PCDHGB2: variants seen among roughly 807,000 people sequenced by gnomAD.
The protein encoded by PCDHGB2 is protocadherin gamma-B2.
In PCDHGB2, 55 loss-of-function variants were observed where a neutral mutation model predicts 59.3. The observed-to-expected ratio is 0.93, with a 90% confidence interval of 0.75 to 1.16. The LOEUF is 1.16. PCDHGB2 is among the 50% of genes most tolerant of loss of function. PCDHGB2 has a pLI of 0.00. For synonymous variants in PCDHGB2, 516 were observed against 512.0 expected, an observed-to-expected ratio of 1.01 and a Z score of -0.11; for missense variants, 1,228 against 1,198.5, an observed-to-expected ratio of 1.02 and a Z score of -0.36.
At chr5:141,387,782 A>C in intron 1 of PCDHGB2, 2 of 1,466,298 alleles carry the variant, frequency 1.4e-6, no homozygotes, top group Non-Finnish European at 1.8e-6. Context: ...TTGAACTGGA[A>C]CTGCAACTAA....
rs115237553 is a variant in PCDHGB2, at chr5:141,476,478, T to A, written c.2422-18329T>A. 1.3e-4 allele frequency: 203 copies of A among 1,613,844 alleles called. 2 individuals are homozygous for A. The African/African-American group carries it at 2.5e-3, about 20-fold the overall frequency. Reference sequence around the variant, plus strand: ...GAGAACCCGCTGGAGCTGTTCAGCGTGGAAGTGGTGATCCAGGACATCAAC... The same window carrying A: ...GAGAACCCGCTGGAGCTGTTCAGCGAGGAAGTGGTGATCCAGGACATCAAC... On this transcript the variant is annotated intron_variant, in intron 1 of 3. Transcript: ENST00000522605. The surrounding 1 kb of genome is among the most constrained non-coding windows in gnomAD (Gnocchi z 7.6).
intron 1 of PCDHGB2, chr5:141,415,772 T>TTA: frequency 7.5e-7 from 1 of 1,332,978 alleles, no homozygotes; most frequent in Non-Finnish European, 9.6e-7. Flanking sequence ...TTTTTTTTTT[T>TTA]ACTTTCTGGT....
Position 141,463,645 on chromosome 5 carries a change from G to T in PCDHGB2, c.2422-31162G>T, listed in dbSNP as rs372962993. ...TTGTATTTTGTTTAGTAGAGACGGG[G>T]TTTCACCGTGTTAGCCAGGATGGTC... On this transcript the variant is annotated intron_variant, in intron 1 of 3. Transcript: ENST00000522605. 7.9e-5 allele frequency among the ~76,000 whole-genome samples: 12 copies of T among 151,840 alleles called. No individual in the cohort carries two copies. In the East Asian group the frequency reaches 2.1e-3, roughly 27 times the overall value.
rs762408704 is a variant in PCDHGB2 at position 141,486,335 on chromosome 5, C to G, written c.2422-8472C>G. 6.2e-7 allele frequency: 1 copy of G among 1,613,936 alleles called. No individual in the cohort carries two copies. The highest frequency in any genetic ancestry group is 8.5e-7 in the Non-Finnish European group (1 of 1,180,002). ...AGGGTCAAACGGAGATGTGAGCCTC[C>G]GCATTCCTGACCACTTGCCATTTGC... On this transcript the variant is annotated intron_variant, in intron 1 of 3. Transcript: ENST00000522605. This position sits in a 1 kb window ranked among gnomAD's most constrained non-coding sequence, Gnocchi z 5.0.
intron 1 of PCDHGB2, chr5:141,372,839 A>G: frequency 6.6e-7 from 1 of 1,524,174 alleles, no homozygotes. Context: ...TCCTTCCATA[A>G]ATATAATTGG....
At chr5:141,510,272 T>TAAAA (rs546154379) in intron 3 of PCDHGB2, among the ~76,000 whole-genome samples, 4 of 130,388 alleles carry the variant, frequency 3.1e-5, no homozygotes, top group Non-Finnish European at 4.9e-5. Context: ...GACTCCATCT[T>TAAAA]AAAAAAAAAA....
intron 1 of PCDHGB2, chr5:141,396,465 C>T (rs1471669939): frequency 6.6e-6 from 1 of 152,072 alleles, no homozygotes; most frequent in African/African-American, 2.4e-5. Flanking sequence ...CTAAAAACTA[C>T]AAAAATTAGC....
At chr5:141,419,554 T>C (rs775925543) in intron 1 of PCDHGB2, 1 of 1,612,006 alleles carries the variant, frequency 6.2e-7, no homozygotes, top group Non-Finnish European at 8.5e-7. Flanking sequence ...TGCTGTACCC[T>C]GCGCTGGGTC....
At chr5:141,400,431 A>T (rs542969819) in intron 1 of PCDHGB2, 1 of 1,614,034 alleles carries the variant, frequency 6.2e-7, no homozygotes. Context: ...GTAGTGAGCA[A>T]TTGAGTTCAG....
Position 141,494,802 on chromosome 5 carries a change from C to T in PCDHGB2, c.2422-5C>T. 5 of 1,614,120 alleles carry T rather than the reference C, an allele frequency of 3.1e-6. No individual in the cohort carries two copies. The highest frequency in any genetic ancestry group is 4.2e-6 in the Non-Finnish European group (5 of 1,180,016). ...TCAGCCCCTTTCCCTCTGTTTTCTC[C>T]ACAGCAAGCCCCGCCCAACACGGAC... is the stretch of plus-strand genomic sequence containing the variant. On this transcript the variant is annotated splice_polypyrimidine_tract_variant and splice_region_variant and intron_variant, in intron 1 of 3. Transcript: ENST00000522605.
At chr5:141,422,640 C>T in intron 1 of PCDHGB2, 1 of 1,612,590 alleles carries the variant, frequency 6.2e-7, no homozygotes, top group South Asian at 1.1e-5. Flanking sequence ...GGGGTGCCTC[C>T]ATCTTCTCAG....
Position 141,431,135 on chromosome 5 carries a change from A to G in PCDHGB2, c.2422-63672A>G, listed in dbSNP as rs140069213. The G allele has an allele frequency of 1.5e-5, 24 of 1,614,266 alleles. No homozygotes were observed. In the African/African-American group the frequency reaches 3.1e-4, roughly 21 times the overall value. Reference sequence around the variant, plus strand: ...TGGAGTAGAAGTAGAAGTAAGGGACATTAACGACAATGCGCCTTACTTTCG... The same window carrying G: ...TGGAGTAGAAGTAGAAGTAAGGGACGTTAACGACAATGCGCCTTACTTTCG... On this transcript the variant is annotated intron_variant, in intron 1 of 3. Transcript: ENST00000522605. This position sits in a 1 kb window ranked among gnomAD's most constrained non-coding sequence, Gnocchi z 4.8.
intron 1 of PCDHGB2, chr5:141,415,810 T>C: frequency 7.4e-7 from 1 of 1,360,418 alleles, no homozygotes; most frequent in Non-Finnish European, 9.5e-7. Context: ...AATCAAGGCC[T>C]ATATATCATA....
chr5:141,374,352 T>C lies in PCDHGB2; in HGVS notation c.2421+11796T>C, dbSNP rs1288920388. The C allele has an allele frequency of 4.3e-6, 7 of 1,614,010 alleles. No homozygotes were observed. The Admixed American group carries it at 5.0e-5, about 12-fold the overall frequency. On this transcript the variant is annotated intron_variant, in intron 1 of 3. Transcript: ENST00000522605. ...GGCAGCTTGGTCACCGCGGGTAGGA[T>C]AGACCGCGAGGAGCTCTGTGCTCAG...
At chr5:141,419,640 T>C (rs2096410171) in intron 1 of PCDHGB2, 2 of 1,612,532 alleles carry the variant, frequency 1.2e-6, no homozygotes. Context: ...GTGGTGGCCG[T>C]GGACGCGGAC....
At chr5:141,483,737 G>A (rs1052778197) in intron 1 of PCDHGB2, among the ~76,000 whole-genome samples, 4 of 152,102 alleles carry the variant, frequency 2.6e-5, no homozygotes, top group South Asian at 2.1e-4. Context: ...TAGTCAAAAG[G>A]ATATTCCTGA....
intron 1 of PCDHGB2, chr5:141,372,267 G>A (rs763070594): frequency 6.2e-7 from 1 of 1,613,174 alleles, no homozygotes; most frequent in Non-Finnish European, 8.5e-7. Flanking sequence ...GCGCACGGGT[G>A]AGGTGCGCAC....
intron 1 of PCDHGB2, chr5:141,392,992 C>T (rs1233401263): frequency 1.2e-6 from 2 of 1,613,700 alleles, no homozygotes; most frequent in Non-Finnish European, 8.5e-7. Flanking sequence ...CGGAAGCTGG[C>T]GAAGCACGGA....
At chr5:141,433,358 C>CCTAA (rs1554125965) in intron 1 of PCDHGB2, 1 of 503,368 alleles carries the variant, frequency 2.0e-6, no homozygotes, top group Non-Finnish European at 3.5e-6. Flanking sequence ...CTACTGTCTG[C>CCTAA]CTATCTATCT....
Sources: gnomAD v4.1 joint callset for allele counts (sites outside exome capture counted in the v4.1 genomes callset) on GRCh38, gnomAD v4.1.1 for gene constraint, Gnocchi (gnomAD v3.1) non-coding constraint, MANE v1.5 for transcripts, NCBI Gene and HGNC (gene_info 2026-07-23, HGNC 2026-07-21) for gene names.